Variants in SUGCT observed in about 807,000 individuals in gnomAD.
The protein encoded by SUGCT is succinyl-CoA:glutarate CoA-transferase.
Under a neutral mutation model 55.0 loss-of-function variants are expected in SUGCT, and 41 were observed. That is an observed-to-expected ratio of 0.74 (90% CI 0.58 to 0.97). SUGCT has a LOEUF of 0.97. Ranked by LOEUF, SUGCT falls within the 50% of genes least tolerant of loss-of-function variation. The pLI, the probability that SUGCT is intolerant of heterozygous loss-of-function variation, is 0.00. For synonymous variants in SUGCT, 187 were observed against 200.4 expected, an observed-to-expected ratio of 0.93 and a Z score of 0.56; for missense variants, 568 against 547.8, an observed-to-expected ratio of 1.04 and a Z score of -0.37.
At chr7:40,469,522 A>C (rs80053464) in intron 11 of SUGCT, among the ~76,000 whole-genome samples, 1 of 152,192 alleles carries the variant, frequency 6.6e-6, no homozygotes, top group Non-Finnish European at 1.5e-5. Context: ...ATCAGCCCGG[A>C]GGGTAAAAGA....
chr7:40,874,212 A>T, the SUGCT span, among the ~76,000 whole-genome samples: 2 of 152,218 alleles, frequency 1.3e-5, no homozygotes, highest in South Asian at 4.1e-4. Context: ...AGACACTATG[A>T]TGATGTTGTA....
chr7:40,251,054 C>T lies in SUGCT; in HGVS notation c.576+13328C>T, dbSNP rs543525832. On this transcript the variant is annotated intron_variant, in intron 7 of 13. Coordinates refer to ENST00000335693, the MANE Select transcript of SUGCT (RefSeq NM_001193313.2). Reference sequence around the variant, plus strand: ...CCATCTTGACCAGGCTGGTCTCGAACCCCTGACCTTGTGATCCATCCACCC... The same window carrying T: ...CCATCTTGACCAGGCTGGTCTCGAATCCCTGACCTTGTGATCCATCCACCC... Among the ~76,000 whole-genome samples the T allele has an allele frequency of 3.9e-5, 6 of 152,110 alleles. No homozygotes were observed. The East Asian group carries it at 1.2e-3, about 29-fold the overall frequency.
chr7:40,193,576 A>C (rs1406566), intron 5 of SUGCT, among the ~76,000 whole-genome samples: 1 of 149,782 alleles, frequency 6.7e-6, no homozygotes. Context: ...GTGAGCCACT[A>C]TGCCCGGCCA....
chr7:40,573,278 C>T (rs1228278624), intron 12 of SUGCT, among the ~76,000 whole-genome samples: 1 of 152,192 alleles, frequency 6.6e-6, no homozygotes, highest in Non-Finnish European at 1.5e-5. Flanking sequence ...TTTCCAGAGG[C>T]CAGCTGTGGA....
intron 10 of SUGCT, among the ~76,000 whole-genome samples, chr7:40,453,284 CT>C (rs1789291399): frequency 6.6e-6 from 1 of 152,146 alleles, no homozygotes; most frequent in Non-Finnish European, 1.5e-5. Context: ...ATCTCCTTTC[CT>C]TTTCCCCCTC....
intron 13 of SUGCT, among the ~76,000 whole-genome samples, chr7:40,835,189 G>C (rs1185535695): frequency 6.6e-6 from 1 of 152,164 alleles, no homozygotes; most frequent in Non-Finnish European, 1.5e-5. Context: ...GGTGGCTCTG[G>C]ACCAGGACAA....
chr7:40,242,930 TATA>T (rs1407209448), intron 7 of SUGCT, among the ~76,000 whole-genome samples: 651 of 36,198 alleles, frequency 0.018, 29 homozygotes, highest in East Asian at 0.029. Flanking sequence ...TATATATATA[TATA>T]TTTTTTTTTT....
the SUGCT span, among the ~76,000 whole-genome samples, chr7:40,981,526 A>G: frequency 6.6e-6 from 1 of 152,302 alleles, no homozygotes; most frequent in African/African-American, 2.4e-5. Flanking sequence ...TTTTTGCAAT[A>G]TGGAGGGGCT....
chr7:40,431,611 A>T (rs1301217231), intron 9 of SUGCT, among the ~76,000 whole-genome samples: 2 of 152,084 alleles, frequency 1.3e-5, no homozygotes, highest in African/African-American at 4.8e-5. Flanking sequence ...CAGTTTCTTT[A>T]AGCAGTATTT....
At chr7:40,301,735 G>A (rs377465551) in intron 8 of SUGCT, among the ~76,000 whole-genome samples, 2 of 152,186 alleles carry the variant, frequency 1.3e-5, no homozygotes, top group African/African-American at 2.4e-5. Flanking sequence ...ACAAGTAATC[G>A]TCAGATTCAC....
At chr7:40,817,150 T>G (rs115473475) in intron 13 of SUGCT, among the ~76,000 whole-genome samples, 1 of 152,298 alleles carries the variant, frequency 6.6e-6, no homozygotes, top group Middle Eastern at 3.4e-3. Context: ...AATTCTGACT[T>G]TTTACTTATT....
chr7:40,751,578 C>T (rs1162050060), intron 13 of SUGCT, among the ~76,000 whole-genome samples: 1 of 152,130 alleles, frequency 6.6e-6, no homozygotes, highest in Non-Finnish European at 1.5e-5. Flanking sequence ...CATGAAGAAT[C>T]CGTAGCTAAC....
At chr7:40,273,658 T>C (rs946331181) in intron 7 of SUGCT, among the ~76,000 whole-genome samples, 2 of 152,176 alleles carry the variant, frequency 1.3e-5, no homozygotes, top group Non-Finnish European at 2.9e-5. Flanking sequence ...GCTTTCCTTA[T>C]AATTTCAAGA....
chr7:40,632,798 A>G (rs1333492391), intron 12 of SUGCT, among the ~76,000 whole-genome samples: 1 of 152,146 alleles, frequency 6.6e-6, no homozygotes, highest in African/African-American at 2.4e-5. Context: ...TTTTTAAGCA[A>G]AAGAGACTAG....
At chr7:40,819,700 C>T (rs1391661780) in intron 13 of SUGCT, among the ~76,000 whole-genome samples, 1 of 152,096 alleles carries the variant, frequency 6.6e-6, no homozygotes, top group African/African-American at 2.4e-5. Flanking sequence ...TTCTCCCATT[C>T]TTTAGGTTGC....
chr7:40,666,559 G>A (rs1320524970), intron 12 of SUGCT, among the ~76,000 whole-genome samples: 2 of 151,524 alleles, frequency 1.3e-5, no homozygotes, highest in African/African-American at 4.9e-5. Flanking sequence ...GCGGATAGTG[G>A]GAAGACCAAT....
the SUGCT span, among the ~76,000 whole-genome samples, chr7:40,899,646 C>T: frequency 2.0e-5 from 3 of 151,806 alleles, no homozygotes; most frequent in East Asian, 5.8e-4. Flanking sequence ...ACTTCCAGGA[C>T]TCTTTCCTAC....
intron 9 of SUGCT, among the ~76,000 whole-genome samples, chr7:40,330,695 A>G (rs1036434388): frequency 6.7e-5 from 1 of 14,980 alleles, no homozygotes; most frequent in African/African-American, 2.5e-4. Context: ...GGGGGCATTT[A>G]TTTACTTTAT....
chr7:40,901,803 A>G, the SUGCT span, among the ~76,000 whole-genome samples: 1 of 152,358 alleles, frequency 6.6e-6, no homozygotes, highest in Non-Finnish European at 1.5e-5. Context: ...AATAGTGCAG[A>G]AATGCTAAAC....
Sources: allele counts gnomAD v4.1 joint callset (sites outside exome capture counted in the v4.1 genomes callset), GRCh38; gene constraint gnomAD v4.1.1; transcripts MANE v1.5; gene names NCBI Gene and HGNC (gene_info 2026-07-23, HGNC 2026-07-21).